The following PRKG1 variants were observed in gnomAD, a reference collection of about 807,000 sequenced individuals.
The protein encoded by PRKG1 is cGMP-dependent protein kinase 1.
A neutral mutation model predicts 88.1 loss-of-function variants in PRKG1; 35 were observed. That is an observed-to-expected ratio of 0.40 (90% confidence interval 0.30 to 0.53). The LOEUF (loss-of-function observed/expected upper bound fraction) is 0.53. Ranked by LOEUF, PRKG1 falls within the 20% of genes least tolerant of loss-of-function variation. The probability of loss-of-function intolerance (pLI) is 0.59; values close to 1 mark genes in which losing one functional copy is unlikely to be tolerated. For synonymous variants in PRKG1, 303 were observed against 292.5 expected, an observed-to-expected ratio of 1.04 and a Z score of -0.37; for missense variants, 540 against 839.8, an observed-to-expected ratio of 0.64 and a Z score of 4.41.
At chr10:51,262,303 T>A (rs1331876978) in intron 2 of PRKG1, among the ~76,000 whole-genome samples, 1 of 152,214 alleles carries the variant, frequency 6.6e-6, no homozygotes, top group South Asian at 2.1e-4. Context: ...ATGCATAGAC[T>A]GATAAAACAT....
At chr10:52,219,374 T>C (rs1840189226) in intron 9 of PRKG1, among the ~76,000 whole-genome samples, 1 of 152,186 alleles carries the variant, frequency 6.6e-6, no homozygotes, top group South Asian at 2.1e-4. Context: ...CCTTTGAGTC[T>C]AAGATGCCTT....
At chr10:51,559,290 C>T (rs113518859) in intron 3 of PRKG1, among the ~76,000 whole-genome samples, 86 of 152,136 alleles carry the variant, frequency 5.7e-4, no homozygotes, top group African/African-American at 2.0e-3. Context: ...ATGATACCGA[C>T]GGGACAGAAA....
At chr10:51,228,395 A>G (rs1425679899) in intron 2 of PRKG1, among the ~76,000 whole-genome samples, 1 of 152,148 alleles carries the variant, frequency 6.6e-6, no homozygotes, top group African/African-American at 2.4e-5. Flanking sequence ...CCAAGTGACT[A>G]CTTGTACTGG....
At chr10:51,426,112 T>C (rs763784011) in intron 2 of PRKG1, among the ~76,000 whole-genome samples, 23 of 151,918 alleles carry the variant, frequency 1.5e-4, no homozygotes, top group Non-Finnish European at 2.8e-4. Flanking sequence ...CCTATCTCTA[T>C]TAAAAAGTAC....
At chr10:51,004,406 C>T (rs1472787893) in intron 1 of PRKG1, among the ~76,000 whole-genome samples, 2 of 152,076 alleles carry the variant, frequency 1.3e-5, no homozygotes, top group Non-Finnish European at 1.5e-5. Flanking sequence ...TTACAGTGAG[C>T]CAAGATTGTG....
At chr10:51,923,206 T>C (rs1218238513) in intron 5 of PRKG1, among the ~76,000 whole-genome samples, 1 of 151,968 alleles carries the variant, frequency 6.6e-6, no homozygotes, top group East Asian at 1.9e-4. Context: ...GAAATTAATA[T>C]AGCGATTTCT....
rs572431925 is a variant in PRKG1, at chr10:52,024,560, A to G, written c.763-29924A>G. Among the ~76,000 whole-genome samples the G allele has an allele frequency of 1.3e-3, 191 of 152,000 alleles. 1 individual carries two copies. Among genetic ancestry groups the G allele is most frequent in the African/African-American group, 4.5e-3 (185 of 41,434 alleles). On this transcript the variant is annotated intron_variant, in intron 5 of 17. Coordinates refer to ENST00000373980, the MANE Select transcript of PRKG1 (RefSeq NM_006258.4). ...TGTTCTCATTGTTCAATTGCCACCT[A>G]TGAGTGAGAACATGCAGTGTTTGGT...
chr10:51,850,607 G>C (rs1221504977), intron 4 of PRKG1, among the ~76,000 whole-genome samples: 2 of 151,966 alleles, frequency 1.3e-5, no homozygotes, highest in African/African-American at 4.8e-5. Context: ...ATATCATAAA[G>C]AGCAATCTCC....
At chr10:51,967,567 AAG>A (rs1491373051) in intron 5 of PRKG1, among the ~76,000 whole-genome samples, 51 of 150,084 alleles carry the variant, frequency 3.4e-4, no homozygotes, top group African/African-American at 9.3e-4. Context: ...AAAAAAAAAA[AAG>A]ATTGTTTTCT....
At chr10:52,042,037 A>C (rs537643268) in intron 5 of PRKG1, among the ~76,000 whole-genome samples, 1 of 152,222 alleles carries the variant, frequency 6.6e-6, no homozygotes, top group South Asian at 2.1e-4. Flanking sequence ...AAAAACTATA[A>C]AGCACTGATG....
chr10:52,052,114 C>T (rs775150705), intron 5 of PRKG1, among the ~76,000 whole-genome samples: 7 of 152,136 alleles, frequency 4.6e-5, no homozygotes, highest in Non-Finnish European at 7.4e-5. Context: ...GCTTCTGAGT[C>T]ACACTGGTCA....
At chr10:51,236,738 T>G (rs1839002674) in intron 2 of PRKG1, among the ~76,000 whole-genome samples, 1 of 152,036 alleles carries the variant, frequency 6.6e-6, no homozygotes, top group Admixed American at 6.6e-5. Context: ...ACTCCTGACC[T>G]CATGATCCAC....
Position 51,962,954 on chromosome 10 carries a change from A to G in PRKG1, c.762+55384A>G, listed in dbSNP as rs530935421. Among the ~76,000 whole-genome samples, 7 of 152,348 alleles carry G rather than the reference A, an allele frequency of 4.6e-5. No homozygotes were observed. In the South Asian group the frequency reaches 6.2e-4, roughly 14 times the overall value. On this transcript the variant is annotated intron_variant, in intron 5 of 17. Coordinates refer to ENST00000373980, the MANE Select transcript of PRKG1 (RefSeq NM_006258.4). ...ATCTTAACTATTTTGTGTGGAAAAC[A>G]GAAGCTGAGAAATCTTTCTAGTTTG...
chr10:51,301,289 G>A (rs1397485685), intron 2 of PRKG1, among the ~76,000 whole-genome samples: 1 of 152,004 alleles, frequency 6.6e-6, no homozygotes, highest in African/African-American at 2.4e-5. Context: ...GGTATGTTTG[G>A]GAGTCAAAGG....
intron 5 of PRKG1, among the ~76,000 whole-genome samples, chr10:52,040,775 TTA>T (rs984152574): frequency 2.6e-5 from 4 of 151,932 alleles, no homozygotes; most frequent in African/African-American, 9.7e-5. Context: ...AGGAAAGCTT[TTA>T]ACTTTTTCTC....
intron 4 of PRKG1, among the ~76,000 whole-genome samples, chr10:51,855,813 C>A (rs998876058): frequency 1.3e-5 from 2 of 152,128 alleles, no homozygotes; most frequent in Non-Finnish European, 2.9e-5. Context: ...GGAAACAAAA[C>A]AAAACAGAGA....
chr10:52,081,640 T>A (rs1403226731), intron 7 of PRKG1: 8 of 456,682 alleles, frequency 1.8e-5, no homozygotes, highest in South Asian at 1.2e-4. Flanking sequence ...TGTTTCTTCA[T>A]GGATCTTACA....
At chr10:51,754,134 C>T (rs1008189549) in intron 3 of PRKG1, among the ~76,000 whole-genome samples, 1 of 151,958 alleles carries the variant, frequency 6.6e-6, no homozygotes, top group Non-Finnish European at 1.5e-5. Context: ...TCCTCTAGTC[C>T]CTGGCTCTTC....
At chr10:51,241,768 A>G (rs1839158900) in intron 2 of PRKG1, among the ~76,000 whole-genome samples, 1 of 152,130 alleles carries the variant, frequency 6.6e-6, no homozygotes, top group African/African-American at 2.4e-5. Context: ...CAGAGAAAAG[A>G]ATTATTTCTC....
Sources: gnomAD v4.1 joint callset for allele counts (sites outside exome capture counted in the v4.1 genomes callset) on GRCh38, gnomAD v4.1.1 for gene constraint, MANE v1.5 for transcripts, NCBI Gene and HGNC (gene_info 2026-07-23, HGNC 2026-07-21) for gene names.